OFD1: variants seen among roughly 807,000 people sequenced by gnomAD.
OFD1 encodes the protein OFD1 centriole and centriolar satellite protein, also known as centriole and centriolar satellite protein OFD1.
OFD1 carries 12 observed loss-of-function variants against 81.4 expected under a neutral mutation model. The observed-to-expected ratio is 0.15, with a 90% confidence interval of 0.09 to 0.24. The LOEUF is 0.24. Ranked by LOEUF, OFD1 falls within the 10% of genes least tolerant of loss-of-function variation. The pLI is 1.00. For missense variants in OFD1, 685 were observed against 733.9 expected, an observed-to-expected ratio of 0.93 and a Z score of 0.77; for synonymous variants, 256 against 263.7, an observed-to-expected ratio of 0.97 and a Z score of 0.28.
At chrX:13,746,599 G>A (rs2047308372) in intron 7 of OFD1, 144 bp downstream of exon 7, 4 of 784,115 alleles carry the variant, frequency 5.1e-6, no homozygotes, top group Non-Finnish European at 7.4e-6. Flanking sequence ...TTTTATTTCT[G>A]GTGACATTTG....
the OFD1 span, among the ~76,000 whole-genome samples, chrX:13,718,263 G>A: frequency 8.8e-6 from 1 of 113,002 alleles, no homozygotes; most frequent in South Asian, 3.6e-4. Flanking sequence ...CCGTTGCCGT[G>A]GAATCCCATG....
downstream of OFD1, chrX:13,771,432 A>G (rs1225847086): frequency 8.9e-6 from 1 of 112,013 alleles, no homozygotes; most frequent in Non-Finnish European, 1.9e-5. Flanking sequence ...GGCATTAACC[A>G]AAAAAGAGAA....
chrX:13,720,608 G>A, the OFD1 span: 2 of 112,155 alleles, frequency 1.8e-5, no homozygotes, highest in African/African-American at 6.5e-5. Flanking sequence ...AAATCTAAGA[G>A]CCTATGATAT....
chrX:13,763,911 G>C lies in OFD1; in HGVS notation c.2599+56G>C, dbSNP rs2048030361. On this transcript the variant is annotated intron_variant, in intron 19 of 22. Transcript: ENST00000340096. Reference sequence around the variant, plus strand: ...AGGGTCGCATACTAAATACCAGTCCGTGTGCTCTGTGAATTATTTCATGTA... The same window carrying C: ...AGGGTCGCATACTAAATACCAGTCCCTGTGCTCTGTGAATTATTTCATGTA... 7.0e-6 allele frequency: 6 copies of C among 862,310 alleles called. No individual in the cohort carries two copies. In the Admixed American group the frequency reaches 1.3e-4, roughly 19 times the overall value. 71.1% of individuals were successfully genotyped at this position (862,310 alleles called of 1,213,427 possible).
At chrX:13,749,382 G>A (rs1375697880) in intron 8 of OFD1, 45 bp from the exon 9 acceptor site, 7 of 777,921 alleles carry the variant, frequency 9.0e-6, no homozygotes, top group Middle Eastern at 3.1e-4. Context: ...AATCTGTTTT[G>A]CTTTCATTAG....
chrX:13,717,034 TAAAAAAAAAA>T, the OFD1 span, among the ~76,000 whole-genome samples: 10 of 37,936 alleles, frequency 2.6e-4, no homozygotes, highest in South Asian at 4.6e-3. Flanking sequence ...GATACTATGT[TAAAAAAAAAA>T]AAAAAAAAAA....
chrX:13,741,289 T>C (rs1242796314), intron 5 of OFD1, among the ~76,000 whole-genome samples: 2 of 112,412 alleles, frequency 1.8e-5, no homozygotes, highest in Non-Finnish European at 3.8e-5. Context: ...TCAGGCATCC[T>C]AGTGCCAAAA....
Position 13,761,785 on chromosome X carries a change from C to G in OFD1, c.2388-559C>G, listed in dbSNP as rs149493182. Among the ~76,000 whole-genome samples, 405 of 110,915 alleles carry G rather than the reference C, an allele frequency of 3.7e-3. 3 individuals are homozygous for G. Among genetic ancestry groups the G allele is most frequent in the African/African-American group, 0.011 (350 of 30,437 alleles). Reference sequence around the variant, plus strand: ...GGCTATGATTTGAGTCATGAGCAGACTCCTACCCATACCTGGGCCCCACAG... The same window carrying G: ...GGCTATGATTTGAGTCATGAGCAGAGTCCTACCCATACCTGGGCCCCACAG... On this transcript the variant is annotated intron_variant, in intron 17 of 22. Transcript: ENST00000340096.
chrX:13,734,722 T>A, upstream of OFD1: 1 of 1,009,315 alleles, frequency 9.9e-7, no homozygotes, highest in South Asian at 3.0e-5. Flanking sequence ...GAAGGCTATA[T>A]TTAGCAGGTT....
chrX:13,740,041 C>T (rs963627855), intron 5 of OFD1: 17 of 928,912 alleles, frequency 1.8e-5, no homozygotes, highest in Admixed American at 7.0e-5. Flanking sequence ...TCCATTCATT[C>T]GCCAATTCAT....
the OFD1 span, among the ~76,000 whole-genome samples, chrX:13,728,416 T>C: frequency 8.9e-6 from 1 of 111,977 alleles, no homozygotes; most frequent in Non-Finnish European, 1.9e-5. Context: ...TCAGGTCAGC[T>C]TCACCCCTGG....
intron 3 of OFD1, 128 bp from the exon 4 acceptor site, chrX:13,738,718 T>C (rs993311391): frequency 2.1e-6 from 1 of 478,341 alleles, no homozygotes; most frequent in Non-Finnish European, 3.6e-6. Flanking sequence ...ATTTGCTTTA[T>C]TAGCATAGTT....
At chrX:13,753,747 A>T (rs1056471837) in intron 11 of OFD1, among the ~76,000 whole-genome samples, 3 of 111,939 alleles carry the variant, frequency 2.7e-5, no homozygotes, top group Non-Finnish European at 5.6e-5. Flanking sequence ...GCAGCAACTT[A>T]TTGCTGTCAA....
intron 11 of OFD1, 50 bp from the exon 12 acceptor site, chrX:13,755,101 T>C (rs763410603): frequency 4.4e-5 from 40 of 913,708 alleles, no homozygotes. Flanking sequence ...ATGGCTTTTG[T>C]ATTCACTAGG....
chrX:13,734,101 A>T (rs1253837176), upstream of OFD1: 2 of 513,733 alleles, frequency 3.9e-6, no homozygotes, highest in South Asian at 5.0e-5. Context: ...TGTGGATCTC[A>T]ACCCGGAGCG....
intron 10 of OFD1, chrX:13,752,718 A>G (rs1488974267): frequency 1.6e-5 from 16 of 970,164 alleles, no homozygotes; most frequent in Non-Finnish European, 2.1e-5. Context: ...CACAGGCTGC[A>G]TGGTGTCTGC....
At chrX:13,762,186 A>G (rs986453628) in intron 17 of OFD1, among the ~76,000 whole-genome samples, 158 bp from the exon 18 acceptor site, 3 of 111,759 alleles carry the variant, frequency 2.7e-5, no homozygotes, top group Non-Finnish European at 5.6e-5. Flanking sequence ...ATTGCTGAGA[A>G]CAATGCCTAG....
chrX:13,736,421 T>G, intron 2 of OFD1, 57 bp from the exon 3 acceptor site: 1 of 1,144,494 alleles, frequency 8.7e-7, no homozygotes, highest in Non-Finnish European at 1.2e-6. Context: ...GAAACAGTCC[T>G]GCTGAAATTT....
At chrX:13,759,890 G>A (rs2047859676) in intron 15 of OFD1, among the ~76,000 whole-genome samples, 2 of 111,933 alleles carry the variant, frequency 1.8e-5, no homozygotes, top group South Asian at 3.6e-4. Flanking sequence ...TGTGCATAAT[G>A]GATTCTGAAA....
Sources: allele counts gnomAD v4.1 joint callset (sites outside exome capture counted in the v4.1 genomes callset), GRCh38; gene constraint gnomAD v4.1.1; transcripts MANE v1.5; gene names NCBI Gene and HGNC (gene_info 2026-07-23, HGNC 2026-07-21).